The following FBXL20 variants were observed in gnomAD, a reference collection of about 807,000 sequenced individuals.
FBXL20 encodes the protein F-box and leucine rich repeat protein 20.
A neutral mutation model predicts 64.0 loss-of-function variants in FBXL20; 11 were observed. The ratio of observed to expected loss-of-function variants is 0.17; its 90% CI spans 0.11 to 0.28. The LOEUF is 0.28. FBXL20 is among the 10% of genes least tolerant of loss of function. FBXL20 has a pLI of 1.00. For missense variants in FBXL20, 303 were observed against 526.2 expected, an observed-to-expected ratio of 0.58 and a Z score of 4.15; for synonymous variants, 184 against 189.0, an observed-to-expected ratio of 0.97 and a Z score of 0.22.
At chr17:39,321,289 T>C (rs1469981509) in intron 2 of FBXL20, among the ~76,000 whole-genome samples, 1 of 150,644 alleles carries the variant, frequency 6.6e-6, no homozygotes, top group Non-Finnish European at 1.5e-5. Flanking sequence ...CCATCTCTAC[T>C]AAAAATACAA....
intron 1 of FBXL20, among the ~76,000 whole-genome samples, chr17:39,361,298 T>G: frequency 6.6e-6 from 1 of 151,492 alleles, no homozygotes; most frequent in African/African-American, 2.4e-5. Context: ...GTGAATGGAG[T>G]TTGTGAAGTC....
At chr17:39,389,104 CAAAAAAAA>C (rs752930971) in intron 1 of FBXL20, among the ~76,000 whole-genome samples, 15 of 52,704 alleles carry the variant, frequency 2.8e-4, no homozygotes, top group Non-Finnish European at 5.0e-4. Flanking sequence ...AACTCCATCT[CAAAAAAAA>C]AAAAAAAAAA....
At chr17:39,353,503 A>C (rs1249054937) in intron 1 of FBXL20, among the ~76,000 whole-genome samples, 1 of 152,166 alleles carries the variant, frequency 6.6e-6, no homozygotes, top group East Asian at 1.9e-4. Context: ...TATAGAAAAA[A>C]TCATAGTATA....
chr17:39,324,479 A>C (rs549816028), intron 2 of FBXL20, among the ~76,000 whole-genome samples: 71 of 150,620 alleles, frequency 4.7e-4, no homozygotes, highest in Non-Finnish European at 8.9e-4. Context: ...TGGTAGAGAC[A>C]GGGTTTCACC....
intron 2 of FBXL20, among the ~76,000 whole-genome samples, chr17:39,336,295 T>A (rs2047521477): frequency 6.6e-6 from 1 of 152,208 alleles, no homozygotes; most frequent in Non-Finnish European, 1.5e-5. Context: ...ATATGTAACT[T>A]AAAATCTAAA....
chr17:39,304,083 T>C (rs953181402), intron 2 of FBXL20, among the ~76,000 whole-genome samples: 1 of 152,136 alleles, frequency 6.6e-6, no homozygotes, highest in Non-Finnish European at 1.5e-5. Context: ...ACAAAATGCT[T>C]GAGCAATCTG....
At chr17:39,291,067 T>G (rs1044459495) in intron 6 of FBXL20, among the ~76,000 whole-genome samples, 6 of 151,906 alleles carry the variant, frequency 3.9e-5, no homozygotes, top group African/African-American at 1.5e-4. Context: ...GTTCATGCCA[T>G]TCTCCTGCCT....
At position 39,336,093 on chromosome 17, in the gene FBXL20, C is replaced by T. The variant is rs147212325; in HGVS notation, c.104+7087G>A. ...TCATCCCACCGTATTCCAGCCTAGG[C>T]AACAGAGTGAGAGCCTGTCAGAGGG... On this transcript the variant is annotated intron_variant, in intron 2 of 14. Transcript: ENST00000264658. Among the ~76,000 whole-genome samples, 946 of 148,062 alleles carry T rather than the reference C, an allele frequency of 6.4e-3. 16 individuals are homozygous for T. The highest frequency in any genetic ancestry group is 0.022 in the African/African-American group (904 of 40,200).
intron 1 of FBXL20, among the ~76,000 whole-genome samples, chr17:39,346,021 CA>C (rs1298544293): frequency 5.3e-5 from 8 of 151,786 alleles, no homozygotes; most frequent in African/African-American, 1.7e-4. Context: ...ACAAAAAACA[CA>C]AAAATTAACC....
rs2046731732 is a variant in FBXL20 at position 39,260,027 on chromosome 17, ATGAC to A, written c.*1429_*1432del. 6.7e-6 allele frequency: 1 copy of A among 150,116 alleles called. No homozygotes were observed. The highest frequency in any genetic ancestry group is 1.5e-5 in the Non-Finnish European group (1 of 67,618). 9.3% of individuals were successfully genotyped at this position (150,116 alleles called of 1,614,324 possible). A position where few individuals can be genotyped will look rare whatever the true frequency, so the allele number is the denominator to read the frequency against. On this transcript the variant is annotated 3_prime_UTR_variant, in exon 15 of 15. Coordinates refer to ENST00000264658, the MANE Select transcript of FBXL20 (RefSeq NM_032875.3). ...AAAAAGACTGGGGCAGAAAAGAGAG[ATGAC>A]TGACAGGTTATGGGAAGGTTCTGGC...
intron 4 of FBXL20, 28 bp from the exon 5 acceptor site, chr17:39,299,112 G>C: frequency 6.8e-7 from 1 of 1,471,122 alleles, no homozygotes. Flanking sequence ...CAAACAAAAA[G>C]ATAACCCACC....
chr17:39,354,374 T>A (rs1421532078), intron 1 of FBXL20, among the ~76,000 whole-genome samples: 1 of 152,220 alleles, frequency 6.6e-6, no homozygotes, highest in Non-Finnish European at 1.5e-5. Context: ...AGATTAATGT[T>A]CATCGCACTT....
chr17:39,399,181 A>G (rs2048216841), intron 1 of FBXL20, among the ~76,000 whole-genome samples: 1 of 150,300 alleles, frequency 6.7e-6, no homozygotes, highest in Non-Finnish European at 1.5e-5. Flanking sequence ...CTATTATGTG[A>G]TATAAAGATT....
intron 2 of FBXL20, among the ~76,000 whole-genome samples, chr17:39,304,597 A>AT (rs1035794022): frequency 7.2e-5 from 11 of 151,966 alleles, no homozygotes; most frequent in Admixed American, 2.6e-4. Context: ...GATGGGAAGG[A>AT]TTTTTTTATT....
At chr17:39,264,796 A>T in intron 13 of FBXL20, among the ~76,000 whole-genome samples, 1 of 152,222 alleles carries the variant, frequency 6.6e-6, no homozygotes, top group East Asian at 1.9e-4. Flanking sequence ...ACAATTAATT[A>T]GCTGAAGATT....
intron 1 of FBXL20, among the ~76,000 whole-genome samples, chr17:39,390,579 T>A (rs972115077): frequency 1.3e-3 from 193 of 143,700 alleles, no homozygotes; most frequent in African/African-American, 4.8e-3. Flanking sequence ...AAAAAAAAAA[T>A]AGCCAGATAT....
At chr17:39,399,256 CT>C (rs1409849144) in intron 1 of FBXL20, among the ~76,000 whole-genome samples, 2 of 152,136 alleles carry the variant, frequency 1.3e-5, no homozygotes, top group African/African-American at 4.8e-5. Context: ...ATTATCAGTT[CT>C]TTAAGAAGCA....
chr17:39,275,150 CA>C, intron 9 of FBXL20, 50 bp from the exon 10 acceptor site: 2 of 1,528,430 alleles, frequency 1.3e-6, no homozygotes, highest in Non-Finnish European at 8.8e-7. Flanking sequence ...CTTAGCAAAA[CA>C]AAAAAAGAAA....
Position 39,261,073 on chromosome 17 carries a change from A to G in FBXL20, c.*387T>C, listed in dbSNP as rs770312803. The G allele has an allele frequency of 4.1e-5, 8 of 196,164 alleles. No homozygotes were observed. The highest frequency in any genetic ancestry group is 7.5e-5 in the Non-Finnish European group (7 of 93,644). The allele number at this position is 196,164 out of a possible 1,614,324, so 12.2% of individuals were successfully genotyped here. A position where few individuals can be genotyped will look rare whatever the true frequency, so the allele number is the denominator to read the frequency against. On this transcript the variant is annotated 3_prime_UTR_variant, in exon 15 of 15. Transcript: ENST00000264658. The stretch of plus-strand genomic sequence containing the variant: ...CATGCTTTTCTTGACCCCGGAGGAC[A>G]GCAGATGCTGTTCTAAAATCCCCAA...
Sources: allele counts gnomAD v4.1 joint callset (sites outside exome capture counted in the v4.1 genomes callset), GRCh38; gene constraint gnomAD v4.1.1; transcripts MANE v1.5; gene names NCBI Gene and HGNC (gene_info 2026-07-23, HGNC 2026-07-21).